Variants in NFILZ observed in about 807,000 individuals in gnomAD.
NFILZ encodes NFIL3 like protein.
chr19:8,652,977 TTCC>T (rs1394716424), intron 3 of NFILZ, among the ~76,000 whole-genome samples: 6,177 of 65,292 alleles, frequency 0.095, 419 homozygotes, highest in East Asian at 0.35. Flanking sequence ...CCCTCCTTCC[TTCC>T]TTCCTTCCTT....
intron 3 of NFILZ, among the ~76,000 whole-genome samples, chr19:8,637,452 A>T (rs564454998): frequency 6.6e-6 from 1 of 151,132 alleles, no homozygotes; most frequent in Admixed American, 6.6e-5. Context: ...TTCTCTACTA[A>T]AAATACAAAA....
intron 3 of NFILZ, among the ~76,000 whole-genome samples, chr19:8,666,556 C>T (rs2043063143): frequency 6.6e-6 from 1 of 152,044 alleles, no homozygotes; most frequent in South Asian, 2.1e-4. Context: ...AACCTTGAAC[C>T]CCTTTTATAG....
chr19:8,656,429 C>A (rs1171444555), intron 3 of NFILZ, among the ~76,000 whole-genome samples: 820 of 23,000 alleles, frequency 0.036, 57 homozygotes, highest in East Asian at 0.13. Context: ...CCTCTTTCCG[C>A]AGCCCACCTT....
intron 3 of NFILZ, among the ~76,000 whole-genome samples, chr19:8,637,903 A>G (rs1555746246): frequency 1.4e-5 from 1 of 71,944 alleles, no homozygotes; most frequent in Non-Finnish European, 2.9e-5. Context: ...GCAAGACTAA[A>G]GATGGTCTCA....
intron 3 of NFILZ, among the ~76,000 whole-genome samples, chr19:8,661,108 T>TTCCTTCC (rs201541584): frequency 0.043 from 4,164 of 96,642 alleles, 338 homozygotes; most frequent in East Asian, 0.27. Context: ...TCCTCCTTCC[T>TTCCTTCC]TCCTTCCTTC....
Position 8,655,636 on chromosome 19 carries a change from C to T in NFILZ, c.-163-18915C>T, listed in dbSNP as rs542068783. Among the ~76,000 whole-genome samples the T allele has an allele frequency of 3.5e-4, 53 of 152,264 alleles. 1 individual carries two copies. Among genetic ancestry groups the T allele is most frequent in the Middle Eastern group, 3.4e-3 (1 of 294 alleles). ...AGACAGCGTCCAGAGCAGGTGAGGA[C>T]GGCATGCTGGGCTGGCCCGTTCAGG... On this transcript the variant is annotated intron_variant, in intron 3 of 5. Coordinates refer to ENST00000691075, the MANE Select transcript of NFILZ (RefSeq NM_001378600.1).
intron 3 of NFILZ, among the ~76,000 whole-genome samples, chr19:8,648,326 A>G (rs2042951388): frequency 6.6e-6 from 1 of 152,112 alleles, no homozygotes; most frequent in Non-Finnish European, 1.5e-5. Flanking sequence ...TAAAAAAATA[A>G]ATAAATAAAG....
At chr19:8,664,309 G>T (rs2146165481) in intron 3 of NFILZ, among the ~76,000 whole-genome samples, 1 of 152,300 alleles carries the variant, frequency 6.6e-6, no homozygotes, top group Middle Eastern at 3.4e-3. Flanking sequence ...TGTGTCTTTG[G>T]CAGAGCAGGG....
rs1315421297 is a variant in NFILZ, at chr19:8,671,242, G to A, written c.-163-3309G>A. 2.6e-5 allele frequency among the ~76,000 whole-genome samples: 4 copies of A among 152,026 alleles called. No individual in the cohort carries two copies. The East Asian group carries it at 5.8e-4, about 22-fold the overall frequency. On this transcript the variant is annotated intron_variant, in intron 3 of 5. Transcript: ENST00000691075. ...TTTTCCTGTTTCTTCATCCCCCTCC[G>A]GCCACTGCAAGGAGTGCTGCCTGTC... is the stretch of plus-strand genomic sequence containing the variant.
At chr19:8,659,106 G>T (rs1217534053) in intron 3 of NFILZ, among the ~76,000 whole-genome samples, 1 of 151,996 alleles carries the variant, frequency 6.6e-6, no homozygotes, top group Non-Finnish European at 1.5e-5. Context: ...AATTAGCCAG[G>T]TGTAGTGGTG....
At chr19:8,656,007 G>T (rs1263035877) in intron 3 of NFILZ, among the ~76,000 whole-genome samples, 1 of 151,896 alleles carries the variant, frequency 6.6e-6, no homozygotes, top group African/African-American at 2.4e-5. Flanking sequence ...CTCTCAGGGT[G>T]GGGAGAACAG....
At position 8,680,695 on chromosome 19, in the gene NFILZ, G is replaced by T. The variant is rs1428935711; in HGVS notation, c.*3060G>T. 6.6e-6 allele frequency among the ~76,000 whole-genome samples: 1 copy of T among 152,178 alleles called. No homozygotes were observed. Among genetic ancestry groups the T allele is most frequent in the Non-Finnish European group, 1.5e-5 (1 of 68,034 alleles). On this transcript the variant is annotated 3_prime_UTR_variant, in exon 6 of 6. Coordinates refer to ENST00000691075, the MANE Select transcript of NFILZ (RefSeq NM_001378600.1). ...GAGAAAAAAGGGAGGCTTGGGAAAGGTAGGTGTGGGTGCGTTGTAATAATT... is the reference window on the plus strand; with the variant it reads ...GAGAAAAAAGGGAGGCTTGGGAAAGTTAGGTGTGGGTGCGTTGTAATAATT...
At chr19:8,647,795 G>GCGCGCACACA (rs1189605746) in intron 3 of NFILZ, among the ~76,000 whole-genome samples, 3 of 76,300 alleles carry the variant, frequency 3.9e-5, no homozygotes, top group South Asian at 6.6e-4. Flanking sequence ...GCGCGCGCGC[G>GCGCGCACACA]CACACACACA....
At chr19:8,666,958 C>T (rs561389993) in intron 3 of NFILZ, among the ~76,000 whole-genome samples, 21 of 150,666 alleles carry the variant, frequency 1.4e-4, no homozygotes, top group East Asian at 3.9e-4. Flanking sequence ...CCACATTGCC[C>T]GGGTTGGTCT....
intron 4 of NFILZ, among the ~76,000 whole-genome samples, chr19:8,675,606 G>T (rs1320898691): frequency 3.9e-5 from 6 of 152,116 alleles, no homozygotes; most frequent in African/African-American, 1.4e-4. Flanking sequence ...TGTTCCTACA[G>T]AAAATTTAAA....
intron 3 of NFILZ, among the ~76,000 whole-genome samples, chr19:8,661,553 C>A (rs1434870847): frequency 6.6e-6 from 1 of 152,074 alleles, no homozygotes; most frequent in Non-Finnish European, 1.5e-5. Context: ...TACATCAAAG[C>A]CTCACATCAT....
chr19:8,662,918 C>T (rs1277505395), intron 3 of NFILZ, among the ~76,000 whole-genome samples: 14 of 150,918 alleles, frequency 9.3e-5, no homozygotes, highest in South Asian at 4.2e-4. Flanking sequence ...CATGAGCCAC[C>T]GTGCCTGGCC....
intron 3 of NFILZ, among the ~76,000 whole-genome samples, chr19:8,671,754 C>A (rs913873830): frequency 1.9e-4 from 29 of 152,342 alleles, no homozygotes; most frequent in African/African-American, 7.0e-4. Context: ...GACCTCTACA[C>A]AGATGTTCAT....
At chr19:8,665,888 T>C (rs1246183185) in intron 3 of NFILZ, among the ~76,000 whole-genome samples, 1 of 152,208 alleles carries the variant, frequency 6.6e-6, no homozygotes, top group Admixed American at 6.5e-5. Flanking sequence ...TGCCTGAGTG[T>C]TAAGAAATCT....
Sources: gnomAD v4.1 joint callset for allele counts (sites outside exome capture counted in the v4.1 genomes callset) on GRCh38, gnomAD v4.1.1 for gene constraint, MANE v1.5 for transcripts, NCBI Gene and HGNC (gene_info 2026-07-23, HGNC 2026-07-21) for gene names.